The following FOXN2 variants were observed in gnomAD, a reference collection of about 807,000 sequenced individuals.
FOXN2 encodes forkhead box N2.
FOXN2 carries 19 observed loss-of-function variants against 41.2 expected under a neutral mutation model. The ratio of observed to expected loss-of-function variants is 0.46; its 90% CI spans 0.32 to 0.68. The LOEUF is 0.68. FOXN2 is among the 30% of genes least tolerant of loss of function. The pLI is 0.03. For missense variants in FOXN2, 587 were observed against 509.4 expected, an observed-to-expected ratio of 1.15 and a Z score of -1.47; for synonymous variants, 195 against 176.8, an observed-to-expected ratio of 1.10 and a Z score of -0.82.
At chr2:48,348,855 GGAGA>G (rs1671276708) in intron 3 of FOXN2, among the ~76,000 whole-genome samples, 1 of 152,182 alleles carries the variant, frequency 6.6e-6, no homozygotes, top group South Asian at 2.1e-4. Context: ...TTTGAGGTTG[GGAGA>G]GAGGTAAGAT....
intron 3 of FOXN2, among the ~76,000 whole-genome samples, chr2:48,351,726 G>C (rs1271436762): frequency 6.6e-6 from 1 of 152,098 alleles, no homozygotes; most frequent in East Asian, 1.9e-4. Context: ...AGGTGGTAAT[G>C]CTTCTCAACT....
In FOXN2 at chr2:48,375,569, T is replaced by G; in HGVS notation, c.*126T>G. On this transcript the variant is annotated 3_prime_UTR_variant, in exon 7 of 7. Transcript: ENST00000340553. ...ATTACTTATTTCTTTCAAAACATTT[T>G]TGGTTTTTGGTTTTTAAAATTTTTA... The G allele has an allele frequency of 2.0e-6, 2 of 993,250 alleles. No individual in the cohort carries two copies. The highest frequency in any genetic ancestry group is 2.9e-6 in the Non-Finnish European group (2 of 700,936). 61.5% of individuals were successfully genotyped at this position (993,250 alleles called of 1,614,324 possible). A position where few individuals can be genotyped will look rare whatever the true frequency, so the allele number is the denominator to read the frequency against.
chr2:48,335,757 G>A (rs1670297911), intron 2 of FOXN2, among the ~76,000 whole-genome samples: 1 of 152,222 alleles, frequency 6.6e-6, no homozygotes, highest in African/African-American at 2.4e-5. Context: ...GCTGGGCACG[G>A]TGGCTCACGC....
chr2:48,359,270 ATTTAGTT>A (rs137947879), intron 4 of FOXN2, 123 bp downstream of exon 4: 88,317 of 689,024 alleles, frequency 0.13, 8,273 homozygotes, highest in East Asian at 0.43. Context: ...TTTATGTTTT[ATTTAGTT>A]TTTAGTTTTT....
chr2:48,317,097 C>T (rs1419223781), intron 1 of FOXN2, among the ~76,000 whole-genome samples: 3 of 152,044 alleles, frequency 2.0e-5, no homozygotes, highest in Non-Finnish European at 2.9e-5. Context: ...AAGGCTAAGG[C>T]AGGAGGCTCT....
At chr2:48,319,877 C>T (rs1303512802) in intron 1 of FOXN2, among the ~76,000 whole-genome samples, 1 of 148,824 alleles carries the variant, frequency 6.7e-6, no homozygotes, top group East Asian at 2.0e-4. Flanking sequence ...AGGGATCCTC[C>T]TACCTCAGCC....
At chr2:48,370,561 T>G (rs572212846) in intron 5 of FOXN2, among the ~76,000 whole-genome samples, 2 of 152,312 alleles carry the variant, frequency 1.3e-5, no homozygotes, top group Non-Finnish European at 2.9e-5. Flanking sequence ...CCTTTCCTCT[T>G]AATTTTTTTA....
chr2:48,318,254 T>A (rs1173608952), intron 1 of FOXN2, among the ~76,000 whole-genome samples: 2 of 152,204 alleles, frequency 1.3e-5, no homozygotes, highest in Non-Finnish European at 2.9e-5. Context: ...CGCTAATTTT[T>A]CCCTAATGTC....
intron 2 of FOXN2, among the ~76,000 whole-genome samples, chr2:48,341,416 G>A (rs542418142): frequency 2.0e-5 from 3 of 152,102 alleles, no homozygotes; most frequent in East Asian, 1.9e-4. Flanking sequence ...CAGCTGATGG[G>A]CCAACTCACT....
At chr2:48,318,261 T>C (rs1266212471) in intron 1 of FOXN2, among the ~76,000 whole-genome samples, 1 of 152,234 alleles carries the variant, frequency 6.6e-6, no homozygotes, top group Non-Finnish European at 1.5e-5. Flanking sequence ...TTTTCCCTAA[T>C]GTCTTTTTTT....
intron 5 of FOXN2, among the ~76,000 whole-genome samples, chr2:48,366,436 A>G (rs1266434278): frequency 6.6e-6 from 1 of 152,126 alleles, no homozygotes; most frequent in African/African-American, 2.4e-5. Flanking sequence ...GTGGAACAAA[A>G]GTTCTCCCTG....
At chr2:48,322,776 A>G (rs1669418963) in intron 1 of FOXN2, among the ~76,000 whole-genome samples, 1 of 148,652 alleles carries the variant, frequency 6.7e-6, no homozygotes, top group South Asian at 2.1e-4. Flanking sequence ...ATAATACAAT[A>G]TATATATCTG....
At chr2:48,362,146 T>G (rs1672233435) in intron 4 of FOXN2, among the ~76,000 whole-genome samples, 1 of 152,230 alleles carries the variant, frequency 6.6e-6, no homozygotes. Context: ...ATTTACCTCT[T>G]TTGGCTCCTA....
chr2:48,327,781 T>C (rs777288622), intron 1 of FOXN2, among the ~76,000 whole-genome samples: 3 of 152,202 alleles, frequency 2.0e-5, no homozygotes, highest in Non-Finnish European at 4.4e-5. Flanking sequence ...TCTTTAATAA[T>C]TTTTTAGCAT....
At chr2:48,338,525 C>T (rs1221526051) in intron 2 of FOXN2, among the ~76,000 whole-genome samples, 1 of 152,078 alleles carries the variant, frequency 6.6e-6, no homozygotes, top group Non-Finnish European at 1.5e-5. Context: ...CCTCAGCCTC[C>T]CCAGCAGCCG....
chr2:48,359,288 A>G (rs199551810), intron 4 of FOXN2, 141 bp downstream of exon 4: 1 of 575,944 alleles, frequency 1.7e-6, no homozygotes, highest in South Asian at 2.2e-5. Context: ...TTTAGTTTTT[A>G]GTTTTTGTTT....
intron 1 of FOXN2, among the ~76,000 whole-genome samples, chr2:48,317,448 C>CAA (rs373440536): frequency 6.3e-5 from 9 of 142,144 alleles, no homozygotes; most frequent in Admixed American, 1.4e-4. Flanking sequence ...AACTCTGTCT[C>CAA]AAAAAAAAAA....
At chr2:48,339,693 G>T (rs886531558) in intron 2 of FOXN2, among the ~76,000 whole-genome samples, 9 of 152,116 alleles carry the variant, frequency 5.9e-5, no homozygotes, top group Non-Finnish European at 1.2e-4. Flanking sequence ...GCATTTTTTG[G>T]TAAGCAGTTT....
chr2:48,332,462 G>T (rs969514455), intron 2 of FOXN2, among the ~76,000 whole-genome samples: 2 of 152,286 alleles, frequency 1.3e-5, no homozygotes, highest in East Asian at 1.9e-4. Context: ...AAGTCGAATC[G>T]TAAAGAAAAT....
Sources: gnomAD v4.1 joint callset for allele counts (sites outside exome capture counted in the v4.1 genomes callset) on GRCh38, gnomAD v4.1.1 for gene constraint, MANE v1.5 for transcripts, NCBI Gene and HGNC (gene_info 2026-07-23, HGNC 2026-07-21) for gene names.